TNR: variants seen among roughly 807,000 people sequenced by gnomAD.
TNR encodes the protein tenascin R.
A neutral mutation model predicts 150.4 loss-of-function variants in TNR; 45 were observed. That is an observed-to-expected ratio of 0.30 (90% CI 0.24 to 0.38). TNR has a LOEUF of 0.38. Among genes scored for constraint, TNR ranks in the 10% least tolerant of loss-of-function variants. TNR has a pLI of 1.00. For missense variants in TNR, 1,544 were observed against 1,759.1 expected (o/e 0.88, Z 2.19); for synonymous variants, 687 against 678.4 (o/e 1.01, Z -0.20).
chr1:175,578,803 A>G (rs1157573937), intron 1 of TNR, among the ~76,000 whole-genome samples: 1 of 152,210 alleles, frequency 6.6e-6, no homozygotes, highest in Non-Finnish European at 1.5e-5. Context: ...TTAGTGTGTC[A>G]TCCTGTAGCT....
At chr1:175,555,503 C>T (rs1218270058) in intron 1 of TNR, among the ~76,000 whole-genome samples, 5 of 135,782 alleles carry the variant, frequency 3.7e-5, no homozygotes, top group South Asian at 2.4e-4. Context: ...GCTGACTCAC[C>T]GACAACTGAG....
At chr1:175,534,869 A>G (rs1328962356) in intron 1 of TNR, among the ~76,000 whole-genome samples, 1 of 152,148 alleles carries the variant, frequency 6.6e-6, no homozygotes, top group Admixed American at 6.5e-5. Flanking sequence ...AGTTTCCTCC[A>G]TGGCTGCTGT....
At chr1:175,711,317 G>T (rs932908750) in intron 1 of TNR, among the ~76,000 whole-genome samples, 1 of 152,078 alleles carries the variant, frequency 6.6e-6, no homozygotes, top group African/African-American at 2.4e-5. Flanking sequence ...TCTCACCCTG[G>T]GGGAAAGAGT....
At position 175,467,328 on chromosome 1, in the gene TNR, AGCACTTT is replaced by A. The variant is rs151321444; in HGVS notation, c.-63-60558_-63-60552del. On this transcript the variant is annotated intron_variant, in intron 2 of 22. Transcript: ENST00000367674. ...AAGCTTGGAGTAGTGACAAAAACAA[AGCACTTT>A]GCTTTCTGCCTCATGTTCTTTAAAA... 7.9e-3 allele frequency among the ~76,000 whole-genome samples: 1,196 copies of A among 152,246 alleles called. 8 individuals are homozygous for A. The highest frequency in any genetic ancestry group is 0.019 in the East Asian group (97 of 5,170).
At chr1:175,427,138 TA>T (rs939524815) in intron 2 of TNR, among the ~76,000 whole-genome samples, 17 of 148,870 alleles carry the variant, frequency 1.1e-4, no homozygotes, top group Admixed American at 4.7e-4. Context: ...CTATTCTCCT[TA>T]AAAAAAAATA....
At chr1:175,591,803 G>T (rs979300298) in intron 1 of TNR, among the ~76,000 whole-genome samples, 1 of 152,214 alleles carries the variant, frequency 6.6e-6, no homozygotes, top group Non-Finnish European at 1.5e-5. Context: ...CTGGAGTTAG[G>T]TGTGGCCATG....
chr1:175,646,853 ATTTGAGTT>A (rs1470504715), intron 1 of TNR, among the ~76,000 whole-genome samples: 1 of 152,210 alleles, frequency 6.6e-6, no homozygotes, highest in East Asian at 1.9e-4. Flanking sequence ...TTCTGTGGCC[ATTTGAGTT>A]TTAATTCCTC....
intron 1 of TNR, among the ~76,000 whole-genome samples, chr1:175,675,674 C>T (rs989856107): frequency 3.9e-5 from 6 of 152,144 alleles, no homozygotes; most frequent in South Asian, 2.1e-4. Flanking sequence ...CTTCTGTCTA[C>T]GAGAAAAGTT....
At chr1:175,539,377 T>G (rs1660412125) in intron 1 of TNR, among the ~76,000 whole-genome samples, 1 of 152,132 alleles carries the variant, frequency 6.6e-6, no homozygotes, top group African/African-American at 2.4e-5. Flanking sequence ...GTCCACATGG[T>G]TTTGCATCAA....
At position 175,501,296 on chromosome 1, in the gene TNR, A is replaced by G. The variant is rs148980245; in HGVS notation, c.-64+26973T>C. Among the ~76,000 whole-genome samples the G allele has an allele frequency of 7.1e-3, 1,074 of 152,336 alleles. 10 individuals are homozygous for G. The highest frequency in any genetic ancestry group is 0.037 in the Middle Eastern group (11 of 294). ...AAGGAAGTAAGCGGCTATGTTGTAA[A>G]TGGACTATGAATGTGACCATGTAGC... On this transcript the variant is annotated intron_variant, in intron 2 of 22. Transcript: ENST00000367674.
In TNR at chr1:175,646,095, G is replaced by A. The variant is rs181567435; in HGVS notation, c.-165+97131C>T. Among the ~76,000 whole-genome samples, 36 of 152,196 alleles carry A rather than the reference G, an allele frequency of 2.4e-4. 1 individual carries two copies. In the East Asian group the frequency reaches 6.8e-3, roughly 29 times the overall value. ...AGGGTGAATGTGTTTGGGGCAGGGA[G>A]GTAAAATAAAGATATTCTAGTTGCA... is the stretch of plus-strand genomic sequence containing the variant. On this transcript the variant is annotated intron_variant, in intron 1 of 22. Coordinates refer to ENST00000367674, the MANE Select transcript of TNR (RefSeq NM_003285.3).
At chr1:175,728,535 G>A (rs941052550) in intron 1 of TNR, among the ~76,000 whole-genome samples, 30 of 152,262 alleles carry the variant, frequency 2.0e-4, no homozygotes, top group African/African-American at 4.6e-4. Flanking sequence ...CCAAATTCTC[G>A]CTGCAGAGGC....
At chr1:175,623,816 C>A (rs568407847) in intron 1 of TNR, among the ~76,000 whole-genome samples, 82 of 152,338 alleles carry the variant, frequency 5.4e-4, no homozygotes, top group African/African-American at 1.9e-3. Flanking sequence ...CCTATCCCCC[C>A]ATACTACAGA....
chr1:175,489,151 G>A (rs537618911), intron 2 of TNR, among the ~76,000 whole-genome samples: 6 of 152,248 alleles, frequency 3.9e-5, no homozygotes, highest in South Asian at 4.2e-4. Context: ...GTGGGCAAAC[G>A]AAGCCTCCCT....
intron 2 of TNR, among the ~76,000 whole-genome samples, chr1:175,437,959 G>A (rs960791027): frequency 5.3e-5 from 8 of 152,212 alleles, no homozygotes; most frequent in Non-Finnish European, 1.0e-4. Context: ...ACAAGGAGGA[G>A]CTGGTACCAT....
At chr1:175,326,343 C>A (rs556576948) in intron 21 of TNR, among the ~76,000 whole-genome samples, 1 of 152,226 alleles carries the variant, frequency 6.6e-6, no homozygotes, top group East Asian at 1.9e-4. Context: ...TTGTGTTAAG[C>A]GAGGAAAGAC....
rs55795922 is a variant in TNR at position 175,370,338 on chromosome 1, C to CTTTTTTTTTTTTTTTTTTTTTTTTTTTT, written c.1964-3069_1964-3042dup. ...GAGAACTATTCCTGGATTTTGAGTA[C>CTTTTTTTTTTTTTTTTTTTTTTTTTTTT]TTTTTTTTTTTTTTTTTTTTTTTTT... is the stretch of plus-strand genomic sequence containing the variant. On this transcript the variant is annotated intron_variant, in intron 9 of 22. Coordinates refer to ENST00000367674, the MANE Select transcript of TNR (RefSeq NM_003285.3). 5.8e-4 allele frequency among the ~76,000 whole-genome samples: 25 copies of CTTTTTTTTTTTTTTTTTTTTTTTTTTTT among 42,972 alleles called. 4 individuals are homozygous for CTTTTTTTTTTTTTTTTTTTTTTTTTTTT. The highest frequency in any genetic ancestry group is 1.3e-3 in the African/African-American group (15 of 11,800). 28.2% of individuals were successfully genotyped at this position (42,972 alleles called of 152,430 possible).
chr1:175,356,232 A>C, intron 16 of TNR, 87 bp downstream of exon 16: 1 of 1,546,372 alleles, frequency 6.5e-7, no homozygotes, highest in African/African-American at 1.4e-5. Flanking sequence ...CAAAGCCTGT[A>C]AGTGATAATC....
intron 2 of TNR, among the ~76,000 whole-genome samples, chr1:175,447,985 A>G (rs544148257): frequency 4.6e-5 from 7 of 152,192 alleles, no homozygotes; most frequent in Non-Finnish European, 5.9e-5. Context: ...TATTATTACT[A>G]TCAGTGTCAC....
Sources: allele counts gnomAD v4.1 joint callset (sites outside exome capture counted in the v4.1 genomes callset), GRCh38; gene constraint gnomAD v4.1.1; transcripts MANE v1.5; gene names NCBI Gene and HGNC (gene_info 2026-07-23, HGNC 2026-07-21).